YTHDF3: variants seen among roughly 807,000 people sequenced by gnomAD.
YTHDF3 encodes the protein YTH N6-methyladenosine RNA binding protein F3, also known as YTH domain-containing family protein 3.
In YTHDF3, 9 loss-of-function variants were observed where a neutral mutation model predicts 52.5. The observed-to-expected ratio is 0.17, with a 90% CI of 0.10 to 0.30. The LOEUF (loss-of-function observed/expected upper bound fraction) is 0.30. Ranked by LOEUF, YTHDF3 falls within the 10% of genes least tolerant of loss-of-function variation. The probability of loss-of-function intolerance (pLI) is 1.00; values close to 1 mark genes in which losing one functional copy is unlikely to be tolerated. For synonymous variants in YTHDF3, 274 were observed against 243.3 expected, an observed-to-expected ratio of 1.13 and a Z score of -1.18; for missense variants, 534 against 715.0, an observed-to-expected ratio of 0.75 and a Z score of 2.89.
chr8:63,177,732 A>G (rs1377789672), intron 3 of YTHDF3, among the ~76,000 whole-genome samples: 1 of 152,068 alleles, frequency 6.6e-6, no homozygotes, highest in Non-Finnish European at 1.5e-5. Flanking sequence ...GATATAGTAT[A>G]AAAAATCCTG....
chr8:63,187,873 C>T, intron 4 of YTHDF3, 128 bp downstream of exon 4: 3 of 1,045,126 alleles, frequency 2.9e-6, no homozygotes, highest in Non-Finnish European at 4.0e-6. Flanking sequence ...CTACAAACAC[C>T]CTTGAAGGTA....
chr8:63,186,342 G>A lies in YTHDF3; in HGVS notation c.331G>A (p.Ala111Thr), dbSNP rs763456577. Reference protein sequence around the residue: ...IPDGVFSQPGALGNTPPFLGQ... With the variant: ...IPDGVFSQPGTLGNTPPFLGQ... Reference sequence around the variant, plus strand: ...AGATGGTGTATTTAGTCAACCTGGGGCATTAGGAAATACCCCTCCATTTCT... The same window carrying A: ...AGATGGTGTATTTAGTCAACCTGGGACATTAGGAAATACCCCTCCATTTCT... Residue 111 changes from alanine to threonine, a missense_variant, in exon 4 of 5, where the codon GCA (alanine) becomes ACA (threonine). This residue lies in a region of YTHDF3 where 196 missense variants were observed against 299.5 expected (regional missense o/e 0.65). Coordinates refer to ENST00000539294, the MANE Select transcript of YTHDF3 (RefSeq NM_152758.6). 5.0e-6 allele frequency: 8 copies of A among 1,613,964 alleles called. No homozygotes were observed. The East Asian group carries it at 1.8e-4, about 36-fold the overall frequency.
intron 2 of YTHDF3, among the ~76,000 whole-genome samples, chr8:63,174,458 T>C (rs1807554227): frequency 6.6e-6 from 1 of 152,236 alleles, no homozygotes; most frequent in Admixed American, 6.5e-5. Flanking sequence ...CATAACCTTC[T>C]GAAACAGCGA....
At chr8:63,204,086 T>C (rs970082625) in intron 4 of YTHDF3, among the ~76,000 whole-genome samples, 5 of 152,170 alleles carry the variant, frequency 3.3e-5, no homozygotes, top group African/African-American at 1.2e-4. Flanking sequence ...AAGAGGAATA[T>C]CAAAGACTTT....
chr8:63,209,286 G>T (rs1186306126), intron 4 of YTHDF3, among the ~76,000 whole-genome samples: 1 of 152,108 alleles, frequency 6.6e-6, no homozygotes, highest in Non-Finnish European at 1.5e-5. Flanking sequence ...GAATGCAATT[G>T]TACTGCAATT....
rs376067941 is a variant in YTHDF3, at chr8:63,186,719, C to T, written c.708C>T (p.Thr236=). ...PPVSSAAPKP[T]SWAAIARKPA... ...TTAGCAGTGCAGCACCTAAACCAAC[C>T]TCCTGGGCTGCCATTGCCAGAAAGC... is the stretch of plus-strand genomic sequence containing the variant. The change falls in exon 4 of 5, where the codon ACC becomes ACT. Residue 236 remains threonine (T), a synonymous_variant. Transcript: ENST00000539294. 3.0e-5 allele frequency: 49 copies of T among 1,613,850 alleles called. No individual in the cohort carries two copies. Among genetic ancestry groups the T allele is most frequent in the East Asian group, 6.7e-5 (3 of 44,894 alleles).
At chr8:63,172,869 A>G (rs1238104002) in intron 2 of YTHDF3, 7 of 1,156,914 alleles carry the variant, frequency 6.1e-6, no homozygotes, top group South Asian at 4.4e-5. Context: ...TTTCATTTCT[A>G]TTTAATGGTT....
chr8:63,171,450 A>G (rs1462924387), intron 2 of YTHDF3, among the ~76,000 whole-genome samples: 1 of 152,152 alleles, frequency 6.6e-6, no homozygotes, highest in African/African-American at 2.4e-5. Context: ...GAGCCTTGGC[A>G]GGAGGGGAAA....
Position 63,187,407 on chromosome 8 carries a change from A to G in YTHDF3, c.1396A>G (p.Ser466Gly), listed in dbSNP as rs1563403044. Residue 466 changes from serine (S) to glycine (G), a missense_variant, in exon 4 of 5, where the codon AGT (serine) becomes GGT (glycine). Around this residue, in one of 3 missense-constraint regions of YTHDF3, gnomAD observed 135 missense variants for 214.2 expected, o/e 0.63. Transcript: ENST00000539294. Reference sequence around the variant, plus strand: ...GAAAGGCCCACTCTATTTACTCTTCAGTGTGAATGGCAGTGGACATTTTTG... The same window carrying G: ...GAAAGGCCCACTCTATTTACTCTTCGGTGTGAATGGCAGTGGACATTTTTG... ...NGKGPLYLLF[S>G]VNGSGHFCGV... 1 of 1,614,030 alleles carries G rather than the reference A, an allele frequency of 6.2e-7. No individual in the cohort carries two copies. The highest frequency in any genetic ancestry group is 1.7e-5 in the Admixed American group (1 of 60,030).
At chr8:63,169,604 A>G (rs1807148410) in intron 2 of YTHDF3, 193 bp downstream of exon 2, 6 of 611,144 alleles carry the variant, frequency 9.8e-6, no homozygotes, top group Admixed American at 3.0e-5. Flanking sequence ...GCCACTTTAT[A>G]GAAACCAAAG....
intron 2 of YTHDF3, 146 bp downstream of exon 2, chr8:63,169,557 A>T (rs1320047508): frequency 1.2e-6 from 1 of 857,210 alleles, no homozygotes; most frequent in Non-Finnish European, 1.8e-6. Flanking sequence ...AAGGTAGCCA[A>T]GTTCTATCCA....
chr8:63,180,202 C>T (rs1385258314), intron 3 of YTHDF3, among the ~76,000 whole-genome samples: 1 of 151,190 alleles, frequency 6.6e-6, no homozygotes, highest in Non-Finnish European at 1.5e-5. Context: ...GGCGGAGGGG[C>T]GCCTCACTTC....
Position 63,209,997 on chromosome 8 carries a change from T to C in YTHDF3, c.*291T>C, listed in dbSNP as rs1388794612. ...GCATCCTAGCTAAGGCACAGAAGAC[T>C]GAATGAATGCAAGGATTCATTAACT... On this transcript the variant is annotated 3_prime_UTR_variant, in exon 5 of 5. Transcript: ENST00000539294. 9.7e-6 allele frequency: 3 copies of C among 310,384 alleles called. No individual in the cohort carries two copies. The highest frequency in any genetic ancestry group is 5.9e-6 in the Non-Finnish European group (1 of 169,156). The allele number at this position is 310,384 out of a possible 1,614,324, so 19.2% of individuals were successfully genotyped here.
chr8:63,168,984 C>T (rs963859129), intron 1 of YTHDF3, 83 bp downstream of exon 1: 2 of 1,513,454 alleles, frequency 1.3e-6, no homozygotes, highest in African/African-American at 1.4e-5. Context: ...TCCTCCCCGT[C>T]GCCGCCGCTG....
chr8:63,181,813 T>G (rs1222064972), intron 3 of YTHDF3, among the ~76,000 whole-genome samples: 2 of 152,122 alleles, frequency 1.3e-5, no homozygotes, highest in Admixed American at 6.5e-5. Flanking sequence ...GTTTATTAAG[T>G]GAATGGATGG....
rs1482099636 is a variant in YTHDF3, at chr8:63,189,104, T to C, written c.1734+1359T>C. 6 of 152,346 alleles carry C rather than the reference T, an allele frequency of 3.9e-5. No individual in the cohort carries two copies. In the East Asian group the frequency reaches 9.6e-4, roughly 24 times the overall value. 9.4% of individuals were successfully genotyped at this position (152,346 alleles called of 1,614,324 possible). On this transcript the variant is annotated intron_variant, in intron 4 of 4. Coordinates refer to ENST00000539294, the MANE Select transcript of YTHDF3 (RefSeq NM_152758.6). ...AAATAGAGGCTTTGCAGAATTTGAT[T>C]CCTAATTCTGTTATATACCCTCTGT... is the stretch of plus-strand genomic sequence containing the variant.
intron 4 of YTHDF3, chr8:63,189,091 T>C (rs1182016111): frequency 6.6e-6 from 1 of 152,224 alleles, no homozygotes; most frequent in Admixed American, 6.5e-5. Context: ...ATAGAGGCTT[T>C]GCAGAATTTG....
intron 4 of YTHDF3, among the ~76,000 whole-genome samples, chr8:63,204,365 T>G (rs1326101205): frequency 2.0e-5 from 3 of 150,812 alleles, no homozygotes; most frequent in Non-Finnish European, 4.4e-5. Context: ...TTTGTTGTTT[T>G]TTTTTTTTTT....
chr8:63,168,730 G>T lies in YTHDF3; in HGVS notation c.-148G>T, dbSNP rs911132816. ...GCCTCTTCCTCCGACTCCCGAGCGC[G>T]AGGCCCTCATTTTGGGTTCTCAGCG... On this transcript the variant is annotated 5_prime_UTR_variant, in exon 1 of 5. Coordinates refer to ENST00000539294, the MANE Select transcript of YTHDF3 (RefSeq NM_152758.6). The T allele has an allele frequency of 6.7e-7, 1 of 1,487,628 alleles. No homozygotes were observed. Among genetic ancestry groups the T allele is most frequent in the Non-Finnish European group, 9.1e-7 (1 of 1,097,066 alleles). The allele number at this position is 1,487,628 out of a possible 1,614,324, so 92.2% of individuals were successfully genotyped here.
Sources: allele counts gnomAD v4.1 joint callset (sites outside exome capture counted in the v4.1 genomes callset), GRCh38; gene constraint gnomAD v4.1.1; regional missense constraint gnomAD v4.1.1; transcripts MANE v1.5; gene names NCBI Gene and HGNC (gene_info 2026-07-23, HGNC 2026-07-21).